Variants in DLG2 observed in about 807,000 individuals in gnomAD.
The protein encoded by DLG2 is discs large MAGUK scaffold protein 2.
In DLG2, 45 loss-of-function variants were observed where a neutral mutation model predicts 132.5. The observed-to-expected ratio is 0.34, with a 90% CI of 0.27 to 0.44. The LOEUF (loss-of-function observed/expected upper bound fraction) is 0.44, where lower values mean the gene tolerates loss of function less well. DLG2 is among the 20% of genes least tolerant of loss of function. DLG2 has a pLI of 1.00. For synonymous variants in DLG2, 424 were observed against 419.6 expected (o/e 1.01, Z -0.13); for missense variants, 1,045 against 1,196.9 (o/e 0.87, Z 1.87).
chr11:84,178,378 G>C (rs909832641), intron 8 of DLG2, among the ~76,000 whole-genome samples: 4 of 152,102 alleles, frequency 2.6e-5, no homozygotes, highest in African/African-American at 7.2e-5. Flanking sequence ...GGCTTTGAGA[G>C]CTCCTATATT....
intron 6 of DLG2, chr11:84,955,373 C>CTT (rs2051511473): frequency 6.6e-6 from 1 of 152,198 alleles, no homozygotes; most frequent in African/African-American, 2.4e-5. Flanking sequence ...GATTAAGTAA[C>CTT]TGGCCCAAGA....
At chr11:85,428,812 C>CT (rs2090963947) in intron 3 of DLG2, among the ~76,000 whole-genome samples, 2 of 152,030 alleles carry the variant, frequency 1.3e-5, no homozygotes, top group Admixed American at 1.3e-4. Context: ...ACACAAAAAA[C>CT]CCTTCAAAAA....
intron 19 of DLG2, among the ~76,000 whole-genome samples, chr11:83,603,921 T>C (rs548553542): frequency 2.9e-4 from 44 of 152,182 alleles, no homozygotes; most frequent in Non-Finnish European, 5.9e-4. Context: ...TTCTCTTTTA[T>C]TTTCAATTCA....
At chr11:85,020,211 A>G (rs2059920996) in intron 6 of DLG2, among the ~76,000 whole-genome samples, 1 of 152,138 alleles carries the variant, frequency 6.6e-6, no homozygotes, top group African/African-American at 2.4e-5. Flanking sequence ...CATTTCTCTG[A>G]TGGCCAGTAA....
chr11:83,597,716 C>G (rs533083071), intron 19 of DLG2, among the ~76,000 whole-genome samples: 1 of 151,878 alleles, frequency 6.6e-6, no homozygotes, highest in African/African-American at 2.4e-5. Flanking sequence ...GCCTTGGAGG[C>G]GGAGGCTGCA....
intron 6 of DLG2, among the ~76,000 whole-genome samples, chr11:85,102,236 G>A (rs755918372): frequency 5.3e-5 from 8 of 151,988 alleles, no homozygotes; most frequent in Admixed American, 6.6e-5. Flanking sequence ...GCTCCCCTAC[G>A]TGCTGATGAT....
At chr11:84,267,487 C>T (rs947573340) in intron 7 of DLG2, among the ~76,000 whole-genome samples, 2 of 152,236 alleles carry the variant, frequency 1.3e-5, no homozygotes, top group African/African-American at 4.8e-5. Flanking sequence ...TCCTGTACCA[C>T]TAGTCACTAA....
At chr11:84,270,396 A>G (rs2097705093) in intron 7 of DLG2, among the ~76,000 whole-genome samples, 1 of 152,198 alleles carries the variant, frequency 6.6e-6, no homozygotes, top group African/African-American at 2.4e-5. Flanking sequence ...GGAGGATCTA[A>G]TATGTGAAAT....
At chr11:84,785,986 C>G (rs1340634451) in intron 6 of DLG2, among the ~76,000 whole-genome samples, 1 of 151,904 alleles carries the variant, frequency 6.6e-6, no homozygotes, top group Non-Finnish European at 1.5e-5. Context: ...GATCTGTTAC[C>G]TTTTATTAGG....
At chr11:84,456,136 C>G (rs1361412705) in intron 7 of DLG2, among the ~76,000 whole-genome samples, 1 of 151,298 alleles carries the variant, frequency 6.6e-6, no homozygotes, top group African/African-American at 2.4e-5. Flanking sequence ...GATAAGGCAA[C>G]TTACATTCCC....
chr11:83,637,450 T>G (rs1179692558), intron 18 of DLG2, among the ~76,000 whole-genome samples: 1 of 152,194 alleles, frequency 6.6e-6, no homozygotes, highest in Non-Finnish European at 1.5e-5. Flanking sequence ...TTATTTTTCC[T>G]AAGAAAGTTC....
At chr11:84,596,214 C>CTCTCTCTT (rs2099556623) in intron 6 of DLG2, among the ~76,000 whole-genome samples, 1 of 151,414 alleles carries the variant, frequency 6.6e-6, no homozygotes. Context: ...CTCTCTCTCT[C>CTCTCTCTT]TCTCTTTCTC....
chr11:84,534,476 G>C, intron 7 of DLG2, 94 bp downstream of exon 7: 1 of 1,292,536 alleles, frequency 7.7e-7, no homozygotes, highest in Non-Finnish European at 1.1e-6. Context: ...TGTTTTAAAA[G>C]AGCCTCATTT....
chr11:84,940,430 G>A (rs571012712), intron 6 of DLG2, among the ~76,000 whole-genome samples: 1 of 152,342 alleles, frequency 6.6e-6, no homozygotes, highest in Admixed American at 6.5e-5. Context: ...TGGGATTACA[G>A]GCATGAGCCA....
At chr11:84,651,950 G>T (rs992855837) in intron 6 of DLG2, among the ~76,000 whole-genome samples, 2 of 152,106 alleles carry the variant, frequency 1.3e-5, no homozygotes, top group Non-Finnish European at 2.9e-5. Flanking sequence ...GGAAGGCGGA[G>T]GAGGTACATT....
chr11:84,980,711 C>T (rs1313190177), intron 6 of DLG2, among the ~76,000 whole-genome samples: 1 of 152,188 alleles, frequency 6.6e-6, no homozygotes, highest in Non-Finnish European at 1.5e-5. Flanking sequence ...CCACAGTGAG[C>T]CCCAAGTTTC....
At chr11:84,795,538 A>G (rs1023823667) in intron 6 of DLG2, among the ~76,000 whole-genome samples, 1 of 152,012 alleles carries the variant, frequency 6.6e-6, no homozygotes, top group Non-Finnish European at 1.5e-5. Context: ...TCAGTAAAGC[A>G]CCTCTTCACC....
At chr11:83,602,442 G>A (rs868351703) in intron 19 of DLG2, among the ~76,000 whole-genome samples, 1 of 152,244 alleles carries the variant, frequency 6.6e-6, no homozygotes, top group Non-Finnish European at 1.5e-5. Flanking sequence ...TTACAACAAA[G>A]AAAGGGTGGT....
intron 7 of DLG2, among the ~76,000 whole-genome samples, chr11:84,497,832 AT>A (rs2099189262): frequency 6.6e-6 from 1 of 152,172 alleles, no homozygotes; most frequent in Non-Finnish European, 1.5e-5. Context: ...ACAGATCCGC[AT>A]TACCTTGATC....
Sources: allele counts gnomAD v4.1 joint callset (sites outside exome capture counted in the v4.1 genomes callset), GRCh38; gene constraint gnomAD v4.1.1; transcripts MANE v1.5; gene names NCBI Gene and HGNC (gene_info 2026-07-23, HGNC 2026-07-21).